The following COL4A5 variants were observed in gnomAD, a reference collection of about 807,000 sequenced individuals.
The protein encoded by COL4A5 is collagen alpha-5(IV) chain.
A neutral mutation model predicts 130.2 loss-of-function variants in COL4A5; 26 were observed. That is an observed-to-expected ratio of 0.20 (90% CI 0.15 to 0.28). COL4A5 has a LOEUF of 0.28. Among genes scored for constraint, COL4A5 ranks in the 10% least tolerant of loss-of-function variants. The pLI is 1.00. For synonymous variants in COL4A5, 496 were observed against 439.6 expected (o/e 1.13, Z -1.60); for missense variants, 1,131 against 1,344.3 (o/e 0.84, Z 2.48).
intron 1 of COL4A5, among the ~76,000 whole-genome samples, chrX:108,499,550 C>T (rs1482223333): frequency 9.0e-6 from 1 of 111,092 alleles, no homozygotes; most frequent in Non-Finnish European, 1.9e-5. Flanking sequence ...TGGTATTTTT[C>T]TCTTAAATAT....
rs981814919 is a variant in COL4A5, at chrX:108,626,399, T to G, written c.3246+50T>G. Reference sequence around the variant, plus strand: ...GCACATACTTGAGCAGATATGAAATTTTTTAATACTATGCTCATTCCTAAG... The same window carrying G: ...GCACATACTTGAGCAGATATGAAATGTTTTAATACTATGCTCATTCCTAAG... On this transcript the variant is annotated intron_variant, in intron 36 of 52. Coordinates refer to ENST00000328300, the MANE Select transcript of COL4A5 (RefSeq NM_033380.3). The G allele has an allele frequency of 5.9e-6, 7 of 1,192,517 alleles. No homozygotes were observed. The African/African-American group carries it at 8.8e-5, about 15-fold the overall frequency.
In COL4A5 at chrX:108,621,793, T is replaced by C; in HGVS notation, c.2678-10T>C. 8.5e-7 allele frequency: 1 copy of C among 1,179,693 alleles called. No individual in the cohort carries two copies. Among genetic ancestry groups the C allele is most frequent in the Non-Finnish European group, 1.2e-6 (1 of 866,836 alleles). ...GAAAGGCAAACATTACTTATTGATATTCTTCAAAGGTACCAAAGGTGAAAT... is the reference window on the plus strand; with the variant it reads ...GAAAGGCAAACATTACTTATTGATACTCTTCAAAGGTACCAAAGGTGAAAT... On this transcript the variant is annotated splice_polypyrimidine_tract_variant and intron_variant, in intron 31 of 52. Coordinates refer to ENST00000328300, the MANE Select transcript of COL4A5 (RefSeq NM_033380.3).
intron 1 of COL4A5, among the ~76,000 whole-genome samples, chrX:108,535,598 T>C (rs1477252322): frequency 9.0e-6 from 1 of 111,012 alleles, no homozygotes; most frequent in Non-Finnish European, 1.9e-5. Context: ...ACTTCTCTGC[T>C]AAGCACCAAG....
At chrX:108,667,859 G>A (rs1253939792) in intron 40 of COL4A5, among the ~76,000 whole-genome samples, 2 of 111,078 alleles carry the variant, frequency 1.8e-5, no homozygotes, top group Admixed American at 1.9e-4. Context: ...GAACAATTTT[G>A]CTAGACGGTG....
chrX:108,529,251 T>C (rs929533945), intron 1 of COL4A5, among the ~76,000 whole-genome samples: 4 of 111,969 alleles, frequency 3.6e-5, no homozygotes, highest in Non-Finnish European at 7.5e-5. Context: ...AAAAAATCTT[T>C]CACAGATAAG....
chrX:108,455,324 T>C (rs1239066597), intron 1 of COL4A5, among the ~76,000 whole-genome samples: 5 of 112,297 alleles, frequency 4.5e-5, no homozygotes, highest in Non-Finnish European at 9.4e-5. Flanking sequence ...CACCACACTG[T>C]TGATGGACAT....
At chrX:108,525,245 C>T (rs967590755) in intron 1 of COL4A5, among the ~76,000 whole-genome samples, 1 of 111,355 alleles carries the variant, frequency 9.0e-6, no homozygotes, top group Non-Finnish European at 1.9e-5. Flanking sequence ...TATAAAATTC[C>T]TCTCTCTATC....
At chrX:108,456,330 C>A (rs1320269074) in intron 1 of COL4A5, among the ~76,000 whole-genome samples, 2 of 112,071 alleles carry the variant, frequency 1.8e-5, no homozygotes, top group Non-Finnish European at 3.8e-5. Flanking sequence ...GTATGATTTA[C>A]ATACTGTAAA....
chrX:108,583,936 C>A (rs766438500), intron 17 of COL4A5, among the ~76,000 whole-genome samples: 1 of 109,213 alleles, frequency 9.2e-6, no homozygotes, highest in East Asian at 2.9e-4. Context: ...TAAGAGCAAG[C>A]TCATGAAAGC....
At chrX:108,642,305 C>G (rs1238376132) in intron 36 of COL4A5, among the ~76,000 whole-genome samples, 7 of 110,683 alleles carry the variant, frequency 6.3e-5, no homozygotes, top group Admixed American at 1.9e-4. Flanking sequence ...CCTATCCACC[C>G]TAGTAGCTGA....
chrX:108,453,047 T>C (rs180783980), intron 1 of COL4A5, among the ~76,000 whole-genome samples: 1 of 111,669 alleles, frequency 9.0e-6, no homozygotes, highest in East Asian at 2.8e-4. Flanking sequence ...GGTTGTTGAA[T>C]TTTGTCAAAG....
At chrX:108,494,027 A>G (rs1424101542) in intron 1 of COL4A5, among the ~76,000 whole-genome samples, 1 of 111,755 alleles carries the variant, frequency 8.9e-6, no homozygotes, top group Non-Finnish European at 1.9e-5. Context: ...AAAAATTTCC[A>G]TAAGAAAATA....
chrX:108,631,412 A>G (rs1313492035), intron 36 of COL4A5, among the ~76,000 whole-genome samples: 1 of 110,835 alleles, frequency 9.0e-6, no homozygotes, highest in Non-Finnish European at 1.9e-5. Flanking sequence ...ATTCTTTTTG[A>G]AGCAATTGTG....
intron 1 of COL4A5, among the ~76,000 whole-genome samples, chrX:108,535,002 C>T (rs780743556): frequency 3.6e-5 from 4 of 110,489 alleles, no homozygotes; most frequent in Non-Finnish European, 7.6e-5. Context: ...TCACAGTTTC[C>T]ATGTTTTATC....
chrX:108,532,726 A>G (rs1172613472), intron 1 of COL4A5, among the ~76,000 whole-genome samples: 1 of 111,850 alleles, frequency 8.9e-6, no homozygotes, highest in Non-Finnish European at 1.9e-5. Context: ...TACAAGAATC[A>G]GTAGCCTTTC....
intron 25 of COL4A5, among the ~76,000 whole-genome samples, chrX:108,599,074 G>T (rs1227123767): frequency 9.0e-6 from 1 of 111,332 alleles, no homozygotes; most frequent in Non-Finnish European, 1.9e-5. Flanking sequence ...CATTGTTACT[G>T]TTAATTTTGC....
At chrX:108,694,415 T>A (rs1414355746) in intron 50 of COL4A5, 1 of 196,640 alleles carries the variant, frequency 5.1e-6, no homozygotes, top group African/African-American at 3.0e-5. Flanking sequence ...CTTTCTGACA[T>A]TGTTCTTACC....
chrX:108,677,550 A>G lies in COL4A5; in HGVS notation c.3859A>G (p.Lys1287Glu). 8.3e-7 allele frequency: 1 copy of G among 1,210,049 alleles called. No homozygotes were observed. Among genetic ancestry groups the G allele is most frequent in the Admixed American group, 2.2e-5 (1 of 46,011 alleles). ...PPGLPGNGGI[K>E]GEKGNPGQPG... ...AGGTCTCCCTGGAAATGGAGGTATT[A>G]AAGGAGAGAAGGGAAATCCAGGCCA... Residue 1287 changes from lysine to glutamate, a missense_variant, in exon 44 of 53, where the codon AAA becomes GAA. Physicochemically the swap from Lys to Glu is moderately conservative, Grantham distance 56. Transcript: ENST00000328300.
chrX:108,444,441 G>A (rs1046439725), intron 1 of COL4A5, among the ~76,000 whole-genome samples: 16 of 111,042 alleles, frequency 1.4e-4, no homozygotes, highest in African/African-American at 2.3e-4. Context: ...GGATGGTCTC[G>A]AACTCCTGAC....
Sources: gnomAD v4.1 joint callset for allele counts (sites outside exome capture counted in the v4.1 genomes callset) on GRCh38, gnomAD v4.1.1 for gene constraint, MANE v1.5 for transcripts, NCBI Gene and HGNC (gene_info 2026-07-23, HGNC 2026-07-21) for gene names.